SDC1: variants seen among roughly 807,000 people sequenced by gnomAD.
The protein encoded by SDC1 is syndecan-1.
In SDC1, 14 loss-of-function variants were observed where a neutral mutation model predicts 29.7. That is an observed-to-expected ratio of 0.47 (90% CI 0.31 to 0.74). The LOEUF (loss-of-function observed/expected upper bound fraction) is 0.74. SDC1 is among the 30% of genes least tolerant of loss of function. SDC1 has a pLI of 0.05. For synonymous variants in SDC1, 204 were observed against 175.5 expected, an observed-to-expected ratio of 1.16 and a Z score of -1.29; for missense variants, 406 against 400.3, an observed-to-expected ratio of 1.01 and a Z score of -0.12.
At position 20,202,796 on chromosome 2, in the gene SDC1, C is replaced by T; in HGVS notation, c.903G>A (p.Lys301=). The T allele has an allele frequency of 6.2e-7, 1 of 1,612,014 alleles. No individual in the cohort carries two copies. Among genetic ancestry groups the T allele is most frequent in the Non-Finnish European group, 8.5e-7 (1 of 1,179,108 alleles). Residue 301 remains lysine (K), a synonymous_variant, in exon 5 of 5, where the codon AAG becomes AAA. Coordinates refer to ENST00000254351, the MANE Select transcript of SDC1 (RefSeq NM_002997.5). ...PKQANGGAYQ[K]PTKQEEFYA Reference sequence around the variant, plus strand: ...CATAGAATTCCTCCTGTTTGGTGGGCTTCTGGTAGGCCCCGCCGTTGGCTT... The same window carrying T: ...CATAGAATTCCTCCTGTTTGGTGGGTTTCTGGTAGGCCCCGCCGTTGGCTT...
intron 2 of SDC1, among the ~76,000 whole-genome samples, chr2:20,204,732 C>T (rs181015454): frequency 1.2e-4 from 19 of 152,246 alleles, no homozygotes; most frequent in Non-Finnish European, 2.5e-4. Flanking sequence ...CTCAGGCCTC[C>T]GCTAGGTCAC....
At chr2:20,205,141 C>G (rs558724848) in intron 2 of SDC1, among the ~76,000 whole-genome samples, 2 of 152,240 alleles carry the variant, frequency 1.3e-5, no homozygotes, top group Admixed American at 1.3e-4. Context: ...ACCTCACCTC[C>G]GAGCATGAGC....
In SDC1 at chr2:20,202,388, A is replaced by G; in HGVS notation, c.*378T>C. 2.8e-6 allele frequency: 2 copies of G among 707,136 alleles called. No individual in the cohort carries two copies. Among genetic ancestry groups the G allele is most frequent in the Non-Finnish European group, 5.2e-6 (2 of 384,704 alleles). 43.8% of individuals were successfully genotyped at this position (707,136 alleles called of 1,614,324 possible). A position where few individuals can be genotyped will look rare whatever the true frequency, so the allele number is the denominator to read the frequency against. ...TACAGGTGTGTGAGCCCCAAGCCCCACCCGCAGGATCTTCCAGCCACATGA... is the reference window on the plus strand; with the variant it reads ...TACAGGTGTGTGAGCCCCAAGCCCCGCCCGCAGGATCTTCCAGCCACATGA... On this transcript the variant is annotated 3_prime_UTR_variant, in exon 5 of 5. Transcript: ENST00000254351.
intron 1 of SDC1, chr2:20,223,485 G>A (rs1312458831): frequency 8.9e-6 from 3 of 337,058 alleles, no homozygotes; most frequent in Non-Finnish European, 1.7e-5. Context: ...ATGTAGTGGC[G>A]AGACACCGCC....
intron 1 of SDC1, among the ~76,000 whole-genome samples, chr2:20,209,892 G>A (rs2148287876): frequency 6.6e-6 from 1 of 152,338 alleles, no homozygotes; most frequent in South Asian, 2.1e-4. Context: ...GGGGGCAGCG[G>A]GCCCAGTCGC....
At chr2:20,210,959 TCA>T (rs1271158973) in intron 1 of SDC1, among the ~76,000 whole-genome samples, 1 of 105,180 alleles carries the variant, frequency 9.5e-6, no homozygotes, top group Non-Finnish European at 2.1e-5. Context: ...CCTTGGTTTC[TCA>T]GTCAGATCTA....
chr2:20,204,347 G>C, intron 2 of SDC1, 56 bp from the exon 3 acceptor site: 1 of 1,159,296 alleles, frequency 8.6e-7, no homozygotes. Context: ...AGGACCAGAA[G>C]CAGAGTGTGT....
At chr2:20,208,495 G>T (rs55690448) in intron 1 of SDC1, among the ~76,000 whole-genome samples, 14,670 of 152,254 alleles carry the variant, frequency 0.096, 1,260 homozygotes, top group African/African-American at 0.23. Context: ...GAATCTTCTG[G>T]GACAGCCCCT....
At chr2:20,223,159 A>G (rs1677874262) in intron 1 of SDC1, 2 of 933,050 alleles carry the variant, frequency 2.1e-6, no homozygotes, top group African/African-American at 3.4e-5. Context: ...CAATAGGCAC[A>G]GGGACCTCTC....
At position 20,207,889 on chromosome 2, in the gene SDC1, C is replaced by T. The variant is rs777983252; in HGVS notation, c.67-2465G>A. The T allele has an allele frequency of 1.8e-5, 17 of 930,914 alleles. No homozygotes were observed. The South Asian group carries it at 3.9e-4, about 22-fold the overall frequency. 57.7% of individuals were successfully genotyped at this position (930,914 alleles called of 1,614,324 possible). On this transcript the variant is annotated intron_variant, in intron 1 of 4. Coordinates refer to ENST00000254351, the MANE Select transcript of SDC1 (RefSeq NM_002997.5). ...TTCATCATCAAAGAATACTGCCCAC[C>T]GGGGGATCACAGAGTGGGCACCCCC...
intron 1 of SDC1, among the ~76,000 whole-genome samples, chr2:20,215,690 G>T (rs1677606121): frequency 6.6e-6 from 1 of 152,244 alleles, no homozygotes; most frequent in Non-Finnish European, 1.5e-5. Flanking sequence ...CAGGATATGA[G>T]AAACTCCATT....
intron 1 of SDC1, among the ~76,000 whole-genome samples, chr2:20,212,280 G>C (rs186141265): frequency 2.0e-5 from 3 of 152,194 alleles, no homozygotes; most frequent in African/African-American, 7.2e-5. Context: ...CCTAAATTAC[G>C]GGGTGGTGCC....
At chr2:20,221,919 A>G (rs912729480) in intron 1 of SDC1, among the ~76,000 whole-genome samples, 5 of 152,156 alleles carry the variant, frequency 3.3e-5, no homozygotes, top group Admixed American at 6.5e-5. Context: ...GCCTCCCCCC[A>G]TACCCTCTCT....
rs116278453 is a variant in SDC1, at chr2:20,202,264, C to T, written c.*502G>A. 698 of 779,032 alleles carry T rather than the reference C, an allele frequency of 9.0e-4. 4 individuals are homozygous for T. The highest frequency in any genetic ancestry group is 1.4e-3 in the South Asian group (107 of 74,416). The allele number at this position is 779,032 out of a possible 1,614,324, so 48.3% of individuals were successfully genotyped here. On this transcript the variant is annotated 3_prime_UTR_variant, in exon 5 of 5. Transcript: ENST00000254351. The stretch of plus-strand genomic sequence containing the variant: ...AGAGGAAACATGTGCAAAAACAAGT[C>T]GATATCTAGATTAGACCTCCCCACG...
intron 1 of SDC1, among the ~76,000 whole-genome samples, chr2:20,220,654 A>T (rs1677787927): frequency 6.6e-6 from 1 of 152,240 alleles, no homozygotes; most frequent in African/African-American, 2.4e-5. Context: ...CAGAATGAGG[A>T]CAGGGAGAAC....
chr2:20,203,478 C>A (rs958961475), intron 3 of SDC1, among the ~76,000 whole-genome samples: 1 of 152,234 alleles, frequency 6.6e-6, no homozygotes, highest in Non-Finnish European at 1.5e-5. Flanking sequence ...AATAAGCAGA[C>A]TTATTTTAGT....
At chr2:20,213,069 T>C (rs6531226) in intron 1 of SDC1, among the ~76,000 whole-genome samples, 6,140 of 152,024 alleles carry the variant, frequency 0.04, 391 homozygotes, top group African/African-American at 0.14. Flanking sequence ...CCGGGGGCGT[T>C]TATTGAAGGA....
At chr2:20,208,001 G>T (rs1677335093) in intron 1 of SDC1, 1 of 985,346 alleles carries the variant, frequency 1.0e-6, no homozygotes, top group Non-Finnish European at 1.2e-6. Context: ...CCAAGAGAAA[G>T]CTCAAGATGG....
At chr2:20,223,213 G>T in intron 1 of SDC1, 2 of 1,295,228 alleles carry the variant, frequency 1.5e-6, no homozygotes, top group Non-Finnish European at 1.0e-6. Context: ...CTGGGAAGCA[G>T]GGAGGGCGCT....
Sources: gnomAD v4.1 joint callset for allele counts (sites outside exome capture counted in the v4.1 genomes callset) on GRCh38, gnomAD v4.1.1 for gene constraint, MANE v1.5 for transcripts, NCBI Gene and HGNC (gene_info 2026-07-23, HGNC 2026-07-21) for gene names.